The following MAST2 variants were observed in gnomAD, a reference collection of about 807,000 sequenced individuals.
MAST2 encodes microtubule-associated serine/threonine-protein kinase 2.
A neutral mutation model predicts 147.4 loss-of-function variants in MAST2; 70 were observed. That is an observed-to-expected ratio of 0.47 (90% CI 0.39 to 0.58). MAST2 has a LOEUF of 0.58. MAST2 is among the 20% of genes least tolerant of loss of function. The pLI is 0.00. For synonymous variants in MAST2, 869 were observed against 896.8 expected, an observed-to-expected ratio of 0.97 and a Z score of 0.55; for missense variants, 2,080 against 2,302.3, an observed-to-expected ratio of 0.90 and a Z score of 1.98.
At chr1:45,905,071 A>G (rs1650453249) in intron 4 of MAST2, among the ~76,000 whole-genome samples, 1 of 152,092 alleles carries the variant, frequency 6.6e-6, no homozygotes, top group Non-Finnish European at 1.5e-5. Flanking sequence ...TTGGCCTCCC[A>G]AAGTTCTGGG....
intron 4 of MAST2, among the ~76,000 whole-genome samples, chr1:45,901,374 A>G (rs1225739059): frequency 6.6e-6 from 1 of 152,106 alleles, no homozygotes; most frequent in Admixed American, 6.5e-5. Context: ...CTGTTTTTGT[A>G]CCAGTACCAT....
chr1:45,930,000 A>G (rs899286546), intron 4 of MAST2, among the ~76,000 whole-genome samples: 1 of 152,220 alleles, frequency 6.6e-6, no homozygotes. Flanking sequence ...ATGATTGTCA[A>G]GCTTTTGAAT....
At chr1:45,991,356 G>A (rs1644849703) in intron 5 of MAST2, among the ~76,000 whole-genome samples, 1 of 152,048 alleles carries the variant, frequency 6.6e-6, no homozygotes, top group Non-Finnish European at 1.5e-5. Flanking sequence ...GTATTGTATT[G>A]GTTGTTTAGG....
At chr1:45,819,543 AG>A (rs1644557584) in intron 1 of MAST2, among the ~76,000 whole-genome samples, 1 of 152,240 alleles carries the variant, frequency 6.6e-6, no homozygotes, top group Admixed American at 6.5e-5. Flanking sequence ...AGAGATCAGT[AG>A]TGTTTCTGTA....
Position 46,014,822 on chromosome 1 carries a change from G to A in MAST2, c.1188+3883G>A, listed in dbSNP as rs542981984. 2.2e-4 allele frequency among the ~76,000 whole-genome samples: 34 copies of A among 152,264 alleles called. 2 individuals carry two copies. The highest frequency in any genetic ancestry group is 1.9e-3 in the Admixed American group (29 of 15,290). On this transcript the variant is annotated intron_variant, in intron 10 of 28. Coordinates refer to ENST00000361297, the MANE Select transcript of MAST2 (RefSeq NM_015112.3). ...ATTGAACTCAGCTCTCCACCAAGCG[G>A]ACCTAATAGACATCTACAGAACCCT... is the stretch of plus-strand genomic sequence containing the variant.
chr1:45,937,696 G>A (rs576664326), intron 4 of MAST2, among the ~76,000 whole-genome samples: 10 of 131,062 alleles, frequency 7.6e-5, no homozygotes, highest in Admixed American at 6.6e-4. Flanking sequence ...AGGTTGCAGT[G>A]AGCCGAGATC....
intron 4 of MAST2, among the ~76,000 whole-genome samples, chr1:45,947,686 T>A (rs576200013): frequency 1.4e-3 from 215 of 152,334 alleles, no homozygotes; most frequent in Non-Finnish European, 2.6e-3. Context: ...CATGATTCTA[T>A]ATGTAGAACA....
rs749013456 is a variant in MAST2, at chr1:46,031,229, A to G, written c.2931A>G (p.Ser977=). The change falls in exon 23 of 29, where the codon TCA becomes TCG. Residue 977 remains serine, a synonymous_variant. Transcript: ENST00000361297. The surrounding 1 kb of genome is among the most constrained non-coding windows in gnomAD (Gnocchi z 4.1). ...EGVSGPVTEH[S]GEQRPKLDEE... ...TATCTGGGCCTGTCACTGAACACTC[A>G]GGGGAGCAGCGGCCAAAGCTGGATG... 6.5e-7 allele frequency: 1 copy of G among 1,545,958 alleles called. No individual in the cohort carries two copies. Among genetic ancestry groups the G allele is most frequent in the Non-Finnish European group, 8.7e-7 (1 of 1,143,208 alleles).
At chr1:45,858,397 T>C (rs1645863588) in intron 3 of MAST2, among the ~76,000 whole-genome samples, 1 of 152,188 alleles carries the variant, frequency 6.6e-6, no homozygotes, top group Admixed American at 6.5e-5. Context: ...GTCTGTTGGC[T>C]GCATAAATGT....
intron 4 of MAST2, among the ~76,000 whole-genome samples, chr1:45,958,036 C>T (rs1227978013): frequency 1.3e-5 from 2 of 152,066 alleles, no homozygotes; most frequent in African/African-American, 2.4e-5. Context: ...TTCAAGGAGG[C>T]AAAGTATAAG....
At chr1:45,938,588 A>C (rs1202308088) in intron 4 of MAST2, among the ~76,000 whole-genome samples, 1 of 152,224 alleles carries the variant, frequency 6.6e-6, no homozygotes, top group Non-Finnish European at 1.5e-5. Flanking sequence ...TGGCCTCCCA[A>C]AGTGCCAAGA....
intron 1 of MAST2, among the ~76,000 whole-genome samples, chr1:45,815,310 C>T (rs186877148): frequency 9.9e-5 from 15 of 151,884 alleles, no homozygotes; most frequent in Non-Finnish European, 1.8e-4. Context: ...GCTAGGACTA[C>T]AGGCACATGC....
intron 4 of MAST2, among the ~76,000 whole-genome samples, chr1:45,890,695 C>G (rs1647617030): frequency 6.6e-6 from 1 of 152,160 alleles, no homozygotes; most frequent in Non-Finnish European, 1.5e-5. Context: ...TAGTCCATAG[C>G]AGATGGTAAG....
chr1:45,851,576 T>C (rs1199739922), intron 3 of MAST2, among the ~76,000 whole-genome samples: 2 of 152,204 alleles, frequency 1.3e-5, no homozygotes, highest in African/African-American at 4.8e-5. Flanking sequence ...GTTTTTCTCA[T>C]TCAGCATGAT....
intron 10 of MAST2, among the ~76,000 whole-genome samples, chr1:46,018,066 T>C (rs868149519): frequency 6.6e-6 from 1 of 152,196 alleles, no homozygotes. Flanking sequence ...CTGCCACCTC[T>C]CGGTGGAGCA....
chr1:46,003,014 T>C, intron 7 of MAST2, 131 bp downstream of exon 7: 2 of 910,298 alleles, frequency 2.2e-6, no homozygotes, highest in Non-Finnish European at 3.5e-6. Flanking sequence ...TGAGAGATGA[T>C]GTTGGGTGCA....
chr1:45,953,024 A>G (rs1483326440), intron 4 of MAST2, among the ~76,000 whole-genome samples: 3 of 152,188 alleles, frequency 2.0e-5, no homozygotes, highest in East Asian at 1.9e-4. Context: ...GATTGTAATA[A>G]TAGGTAAGTT....
At chr1:45,992,081 G>C (rs1405960412) in intron 5 of MAST2, among the ~76,000 whole-genome samples, 1 of 152,094 alleles carries the variant, frequency 6.6e-6, no homozygotes, top group African/African-American at 2.4e-5. Context: ...ATACTGAATA[G>C]GAGTAGTGAG....
At chr1:45,936,840 G>C (rs960688727) in intron 4 of MAST2, among the ~76,000 whole-genome samples, 1 of 152,180 alleles carries the variant, frequency 6.6e-6, no homozygotes, top group South Asian at 2.1e-4. Context: ...GGATTCTAAA[G>C]CCCCCTAAGT....
Sources: gnomAD v4.1 joint callset for allele counts (sites outside exome capture counted in the v4.1 genomes callset) on GRCh38, gnomAD v4.1.1 for gene constraint, Gnocchi (gnomAD v3.1) non-coding constraint, MANE v1.5 for transcripts, NCBI Gene and HGNC (gene_info 2026-07-23, HGNC 2026-07-21) for gene names.